Variants in PCDHGA4 observed in about 807,000 individuals in gnomAD.
PCDHGA4 encodes protocadherin gamma-A4.
A neutral mutation model predicts 54.6 loss-of-function variants in PCDHGA4; 38 were observed. The ratio of observed to expected loss-of-function variants is 0.70; its 90% CI spans 0.54 to 0.91. The LOEUF is 0.91. Among genes scored for constraint, PCDHGA4 ranks in the 40% least tolerant of loss-of-function variants. PCDHGA4 has a pLI of 0.00. For missense variants in PCDHGA4, 1,298 were observed against 1,220.9 expected, an observed-to-expected ratio of 1.06 and a Z score of -0.94; for synonymous variants, 511 against 512.9, an observed-to-expected ratio of 1.00 and a Z score of 0.05.
intron 1 of PCDHGA4, chr5:141,414,991 G>T (rs1162432290): frequency 1.9e-6 from 3 of 1,613,766 alleles, no homozygotes; most frequent in Non-Finnish European, 1.7e-6. Flanking sequence ...CGGCCAGAAC[G>T]CCTGGCTGTC....
At chr5:141,466,143 C>T (rs2099117622) in intron 1 of PCDHGA4, among the ~76,000 whole-genome samples, 1 of 151,816 alleles carries the variant, frequency 6.6e-6, no homozygotes, top group Admixed American at 6.6e-5. Flanking sequence ...CAAGTGAAAA[C>T]TCTGGTCTTA....
intron 1 of PCDHGA4, chr5:141,422,092 G>T: frequency 6.2e-7 from 1 of 1,611,520 alleles, no homozygotes; most frequent in Non-Finnish European, 8.5e-7. Context: ...GGAAAGCAAG[G>T]CTTCTGAAAT....
At chr5:141,415,611 A>G in intron 1 of PCDHGA4, 1 of 1,613,152 alleles carries the variant, frequency 6.2e-7, no homozygotes, top group Non-Finnish European at 8.5e-7. Context: ...CATTGGTTCC[A>G]GTGAGTTTTA....
At chr5:141,418,872 T>C (rs1351483025) in intron 1 of PCDHGA4, 11 of 1,613,996 alleles carry the variant, frequency 6.8e-6, no homozygotes, top group East Asian at 2.2e-5. Context: ...GTAGAAGTTG[T>C]AGACGAAAAC....
At chr5:141,443,790 T>A (rs1178101439) in intron 1 of PCDHGA4, among the ~76,000 whole-genome samples, 2 of 151,832 alleles carry the variant, frequency 1.3e-5, no homozygotes, top group Admixed American at 6.6e-5. Flanking sequence ...ACAAAAAAAA[T>A]GAAAAGGAAA....
chr5:141,438,760 C>T (rs1346379482), intron 1 of PCDHGA4, among the ~76,000 whole-genome samples: 4 of 148,802 alleles, frequency 2.7e-5, no homozygotes, highest in South Asian at 2.1e-4. Context: ...CTCCTGGGTT[C>T]AAGCGATTCT....
chr5:141,376,681 T>TTTTTTG, intron 1 of PCDHGA4: 1 of 745,704 alleles, frequency 1.3e-6, no homozygotes, highest in Non-Finnish European at 2.0e-6. Context: ...GTATCGTTTT[T>TTTTTTG]TTTTTTTTTT....
chr5:141,382,530 G>A (rs1043069134), intron 1 of PCDHGA4, among the ~76,000 whole-genome samples: 2 of 152,150 alleles, frequency 1.3e-5, no homozygotes, highest in Non-Finnish European at 2.9e-5. Context: ...GTCTTAAAAT[G>A]GATTTTTAAT....
chr5:141,361,618 G>T lies in PCDHGA4; in HGVS notation c.2514+3997G>T, dbSNP rs372928108. On this transcript the variant is annotated intron_variant, in intron 1 of 3. Transcript: ENST00000571252. ...AGTTTCCTACTCCATCGTAGCGAGC[G>T]ACCTGAAGCCGCGGGAGATTTTATC... 63 of 1,613,956 alleles carry T rather than the reference G, an allele frequency of 3.9e-5. No individual in the cohort carries two copies. The African/African-American group carries it at 4.1e-4, about 11-fold the overall frequency.
At chr5:141,370,333 C>T in intron 1 of PCDHGA4, 1 of 1,435,660 alleles carries the variant, frequency 7.0e-7, no homozygotes, top group Non-Finnish European at 9.4e-7. Flanking sequence ...TCGGAGAACT[C>T]TTGGGATTAT....
At chr5:141,364,906 G>A (rs1432119557) in intron 1 of PCDHGA4, 2 of 1,613,942 alleles carry the variant, frequency 1.2e-6, no homozygotes, top group Admixed American at 3.3e-5. Context: ...AAAAGTATCC[G>A]GAGCTGGTGT....
chr5:141,419,754 T>C, intron 1 of PCDHGA4: 1 of 1,613,924 alleles, frequency 6.2e-7, no homozygotes. Flanking sequence ...GTGCGTGCTT[T>C]GGGTGACAAG....
At chr5:141,383,386 G>A in intron 1 of PCDHGA4, 1 of 1,614,000 alleles carries the variant, frequency 6.2e-7, no homozygotes. Context: ...TCCAGATGTG[G>A]GCACGAACTC....
intron 1 of PCDHGA4, among the ~76,000 whole-genome samples, chr5:141,364,008 C>T (rs553317478): frequency 3.3e-5 from 5 of 152,194 alleles, no homozygotes; most frequent in African/African-American, 9.6e-5. Context: ...TCATAAACAA[C>T]GCTACACAGT....
Position 141,404,625 on chromosome 5 carries a change from A to G in PCDHGA4, c.2514+47004A>G, listed in dbSNP as rs375300806. The G allele has an allele frequency of 9.0e-5, 146 of 1,614,036 alleles. No homozygotes were observed. The highest frequency in any genetic ancestry group is 5.1e-4 in the South Asian group (46 of 91,078). On this transcript the variant is annotated intron_variant, in intron 1 of 3. Transcript: ENST00000571252. ...CTGTTTGTTTTGGACCAGAATGACA[A>G]TGCCCCAGAAATCCTGTACCCTGCC...
chr5:141,382,783 C>A, intron 1 of PCDHGA4: 1 of 871,086 alleles, frequency 1.1e-6, no homozygotes. Flanking sequence ...TAAACTCAAG[C>A]CTCTATCCTG....
chr5:141,463,910 A>G (rs2099071862), intron 1 of PCDHGA4, among the ~76,000 whole-genome samples: 1 of 152,178 alleles, frequency 6.6e-6, no homozygotes, highest in Admixed American at 6.5e-5. Flanking sequence ...CTAATAATAT[A>G]TCCTGGAAAT....
rs778586702 is a variant in PCDHGA4, at chr5:141,404,963, A to G, written c.2514+47342A>G. 8.7e-6 allele frequency: 14 copies of G among 1,613,744 alleles called. No homozygotes were observed. In the South Asian group the frequency reaches 1.5e-4, roughly 18 times the overall value. ...AGCCATAGCTGACAGCATCCCAGAC[A>G]TCCTGGCTGACCTGGGCAGTCTTCA... On this transcript the variant is annotated intron_variant, in intron 1 of 3. Transcript: ENST00000571252.
rs942270362 is a variant in PCDHGA4 at position 141,394,773 on chromosome 5, C to T, written c.2514+37152C>T. On this transcript the variant is annotated intron_variant, in intron 1 of 3. Coordinates refer to ENST00000571252, the MANE Select transcript of PCDHGA4 (RefSeq NM_018917.4). ...CGTCCAGGACCATGGCCAGCCCCCT[C>T]TCTCCGCCACTGTCACGCTCACCGT... 4.3e-5 allele frequency: 70 copies of T among 1,613,400 alleles called. No homozygotes were observed. The highest frequency in any genetic ancestry group is 5.6e-5 in the Non-Finnish European group (66 of 1,179,978).
Sources: gnomAD v4.1 joint callset for allele counts (sites outside exome capture counted in the v4.1 genomes callset) on GRCh38, gnomAD v4.1.1 for gene constraint, MANE v1.5 for transcripts, NCBI Gene and HGNC (gene_info 2026-07-23, HGNC 2026-07-21) for gene names.